Variants in SLC2A12 observed in about 807,000 individuals in gnomAD.
SLC2A12 encodes the protein solute carrier family 2 member 12.
In SLC2A12, 23 loss-of-function variants were observed where a neutral mutation model predicts 41.8. The observed-to-expected ratio is 0.55, with a 90% CI of 0.40 to 0.78. SLC2A12 has a LOEUF of 0.78. Among genes scored for constraint, SLC2A12 ranks in the 30% least tolerant of loss-of-function variants. The pLI, the probability that SLC2A12 is intolerant of heterozygous loss-of-function variation, is 0.00. For synonymous variants in SLC2A12, 295 were observed against 285.9 expected (o/e 1.03, Z -0.32); for missense variants, 654 against 745.6 (o/e 0.88, Z 1.43).
chr6:134,006,066 A>C (rs995282186), intron 3 of SLC2A12, among the ~76,000 whole-genome samples: 2 of 150,880 alleles, frequency 1.3e-5, no homozygotes, highest in Non-Finnish European at 3.0e-5. Context: ...CAGCTGCTCC[A>C]GAGGCTGAGG....
chr6:134,044,841 T>A (rs1473936327), intron 1 of SLC2A12, among the ~76,000 whole-genome samples: 1 of 152,166 alleles, frequency 6.6e-6, no homozygotes, highest in Non-Finnish European at 1.5e-5. Flanking sequence ...TGCTCTTTAG[T>A]TCAGCAATCG....
intron 4 of SLC2A12, among the ~76,000 whole-genome samples, chr6:133,995,345 AG>A (rs915769526): frequency 3.6e-4 from 54 of 151,178 alleles, no homozygotes; most frequent in East Asian, 1.4e-3. Flanking sequence ...GAGAGGAGAG[AG>A]GGGGTGAAGG....
intron 4 of SLC2A12, among the ~76,000 whole-genome samples, chr6:133,999,186 C>T (rs1187285882): frequency 6.6e-6 from 1 of 152,074 alleles, no homozygotes; most frequent in African/African-American, 2.4e-5. Context: ...CTCAGGGCTT[C>T]GAGGATGAGT....
Position 133,997,085 on chromosome 6 carries a change from C to CAAAAAAAAAAAAAAAAAAA in SLC2A12, c.1700+4893_1700+4911dup, listed in dbSNP as rs58295985. Reference sequence around the variant, plus strand: ...TGAAACCCCGTCTCTACTAAAAATACAAAAAAAAAAAAAAAAAAAAAAAAA... The same window carrying CAAAAAAAAAAAAAAAAAAA: ...TGAAACCCCGTCTCTACTAAAAATACAAAAAAAAAAAAAAAAAAAAAAAAAAAAAAAAAAAAAAAAAAAA... On this transcript the variant is annotated intron_variant, in intron 4 of 4. Transcript: ENST00000275230. 4.2e-5 allele frequency among the ~76,000 whole-genome samples: 3 copies of CAAAAAAAAAAAAAAAAAAA among 70,710 alleles called. 1 individual carries two copies. The highest frequency in any genetic ancestry group is 5.5e-5 in the African/African-American group (1 of 18,168). The allele number at this position is 70,710 out of a possible 152,430, so 46.4% of individuals were successfully genotyped here. A position where few individuals can be genotyped will look rare whatever the true frequency, so the allele number is the denominator to read the frequency against.
chr6:134,024,151 T>C (rs548595156), intron 2 of SLC2A12, among the ~76,000 whole-genome samples: 1 of 152,336 alleles, frequency 6.6e-6, no homozygotes, highest in East Asian at 1.9e-4. Flanking sequence ...AGCACTAGAC[T>C]GGGCTCTGGG....
rs371782582 is a variant in SLC2A12, at chr6:134,029,314, T to C, written c.511A>G (p.Asn171Asp). ...QHRRGLLVSL[N>D]ELMIVIGILS... ...ATGCCGATGACAATCATCAGCTCAT[T>C]CAGTGACACAAGAAGGCCTCTTCTG... Residue 171 changes from asparagine (N) to aspartate (D), a missense_variant, in exon 2 of 5, where the codon AAT becomes GAT. Asn to Asp is a conservative substitution (Grantham distance 23). Coordinates refer to ENST00000275230, the MANE Select transcript of SLC2A12 (RefSeq NM_145176.3). 1.2e-6 allele frequency: 2 copies of C among 1,614,218 alleles called. No homozygotes were observed. The highest frequency in any genetic ancestry group is 2.2e-5 in the South Asian group (2 of 91,082).
chr6:134,020,019 C>A, intron 2 of SLC2A12, among the ~76,000 whole-genome samples: 1 of 134,634 alleles, frequency 7.4e-6, no homozygotes. Context: ...AGTGAGATTC[C>A]ATCTCAAAAA....
rs1213892381 is a variant in SLC2A12, at chr6:133,988,588, A to G, written c.*2567T>C. 1 of 152,216 alleles carries G rather than the reference A, an allele frequency of 6.6e-6. No homozygotes were observed. Among genetic ancestry groups the G allele is most frequent in the African/African-American group, 2.4e-5 (1 of 41,462 alleles). 9.4% of individuals were successfully genotyped at this position (152,216 alleles called of 1,614,324 possible). A position where few individuals can be genotyped will look rare whatever the true frequency, so the allele number is the denominator to read the frequency against. ...CCTAGCTTAGGCACTGCACTGAACA[A>G]CACATATTATTTTTATCTTTTTTCT... On this transcript the variant is annotated 3_prime_UTR_variant, in exon 5 of 5. Transcript: ENST00000275230.
intron 4 of SLC2A12, among the ~76,000 whole-genome samples, chr6:133,997,251 T>TC (rs1776708017): frequency 6.6e-6 from 1 of 151,976 alleles, no homozygotes; most frequent in African/African-American, 2.4e-5. Flanking sequence ...AGAGCGAGAC[T>TC]CCATCTCAAA....
intron 3 of SLC2A12, among the ~76,000 whole-genome samples, chr6:134,006,189 A>C (rs930912688): frequency 9.2e-5 from 13 of 141,328 alleles, no homozygotes; most frequent in African/African-American, 2.1e-4. Context: ...AAAAAAAAAA[A>C]AAACAAAAAA....
intron 1 of SLC2A12, among the ~76,000 whole-genome samples, chr6:134,042,673 A>C (rs879314599): frequency 6.6e-6 from 1 of 152,094 alleles, no homozygotes; most frequent in Non-Finnish European, 1.5e-5. Context: ...TTGATTTATA[A>C]GAAACTCCTG....
rs978441716 is a variant in SLC2A12, at chr6:133,989,937, C to T, written c.*1218G>A. The T allele has an allele frequency of 2.0e-5, 3 of 152,208 alleles. No individual in the cohort carries two copies. The highest frequency in any genetic ancestry group is 1.3e-4 in the Admixed American group (2 of 15,286). 9.4% of individuals were successfully genotyped at this position (152,208 alleles called of 1,614,324 possible). On this transcript the variant is annotated 3_prime_UTR_variant, in exon 5 of 5. Transcript: ENST00000275230. Reference sequence around the variant, plus strand: ...TAAGTTTTTTGTGTGTCTTCCATCACTTAAATATTAGTAATTTAATATGTT... The same window carrying T: ...TAAGTTTTTTGTGTGTCTTCCATCATTTAAATATTAGTAATTTAATATGTT...
rs370039057 is a variant in SLC2A12 at position 134,028,529 on chromosome 6, C to T, written c.1296G>A (p.Thr432=). ...LRNDVDKRGE[T]TSASLLNAGL... ...CAGCATTTAGCAAGGATGCTGAGGT[C>T]GTCTCCCCTCTCTTATCCACATCAT... is the stretch of plus-strand genomic sequence containing the variant. The change falls in exon 2 of 5, where the codon ACG becomes ACA. Residue 432 remains threonine (T), a synonymous_variant. Transcript: ENST00000275230. The T allele has an allele frequency of 3.2e-5, 51 of 1,614,140 alleles. No individual in the cohort carries two copies. Among genetic ancestry groups the T allele is most frequent in the African/African-American group, 1.6e-4 (12 of 75,048 alleles).
chr6:134,015,385 G>A (rs1227826811), intron 2 of SLC2A12, among the ~76,000 whole-genome samples: 2 of 152,114 alleles, frequency 1.3e-5, no homozygotes, highest in African/African-American at 4.8e-5. Flanking sequence ...TAGGTGGTGG[G>A]TTGATCTGTG....
chr6:134,015,653 G>C (rs950476290), intron 2 of SLC2A12, among the ~76,000 whole-genome samples: 2 of 152,202 alleles, frequency 1.3e-5, no homozygotes, highest in Non-Finnish European at 2.9e-5. Context: ...TGGAGCCTTG[G>C]AGGAAATCTG....
chr6:134,044,550 C>T (rs139350065), intron 1 of SLC2A12, among the ~76,000 whole-genome samples: 146 of 151,872 alleles, frequency 9.6e-4, no homozygotes, highest in African/African-American at 3.4e-3. Context: ...CCCATCTCTA[C>T]TAAAAATACA....
Position 134,029,123 on chromosome 6 carries a change from G to C in SLC2A12, c.702C>G (p.Ser234Arg). 6.2e-7 allele frequency: 1 copy of C among 1,614,132 alleles called. No homozygotes were observed. The highest frequency in any genetic ancestry group is 8.5e-7 in the Non-Finnish European group (1 of 1,180,030). The change falls in exon 2 of 5, where the codon AGC (serine) becomes AGG (arginine). Residue 234 changes from serine (S) to arginine (R), a missense_variant. Physicochemically the swap from Ser to Arg is moderately radical, Grantham distance 110. This residue lies in a region of SLC2A12 where 411 missense variants were observed against 412.1 expected (regional missense o/e 1.00). Transcript: ENST00000275230. ...LVMKGQEGAA[S>R]KVLGRLRALS... ...GTGCTCTTAACCTTCCAAGAACCTTGCTAGCAGCTCCCTCTTGTCCTTTCA... is the reference window on the plus strand; with the variant it reads ...GTGCTCTTAACCTTCCAAGAACCTTCCTAGCAGCTCCCTCTTGTCCTTTCA...
At position 134,029,337 on chromosome 6, in the gene SLC2A12, C is replaced by A; in HGVS notation, c.488G>T (p.Arg163Ile). ...VYIAEIAPQH[R>I]RGLLVSLNEL... The stretch of plus-strand genomic sequence containing the variant: ...ATTCAGTGACACAAGAAGGCCTCTT[C>A]TGTGTTGAGGAGCAATCTCTGCGAT... Residue 163 changes from arginine to isoleucine, a missense_variant, in exon 2 of 5, where the codon AGA becomes ATA. Transcript: ENST00000275230. 6.2e-7 allele frequency: 1 copy of A among 1,614,182 alleles called. No homozygotes were observed. Among genetic ancestry groups the A allele is most frequent in the Non-Finnish European group, 8.5e-7 (1 of 1,180,026 alleles).
At chr6:134,024,948 C>T (rs371441134) in intron 2 of SLC2A12, among the ~76,000 whole-genome samples, 21 of 152,334 alleles carry the variant, frequency 1.4e-4, no homozygotes, top group South Asian at 8.3e-4. Flanking sequence ...TTTCTCAATA[C>T]GTTCAGTTAT....
Sources: allele counts gnomAD v4.1 joint callset (sites outside exome capture counted in the v4.1 genomes callset), GRCh38; gene constraint gnomAD v4.1.1; regional missense constraint gnomAD v4.1.1; transcripts MANE v1.5; gene names NCBI Gene and HGNC (gene_info 2026-07-23, HGNC 2026-07-21).